Variants in ADD3 observed in about 807,000 individuals in gnomAD.
ADD3 encodes adducin 3, also known as gamma-adducin.
Under a neutral mutation model 80.2 loss-of-function variants are expected in ADD3, and 25 were observed. The ratio of observed to expected loss-of-function variants is 0.31; its 90% CI spans 0.23 to 0.44. ADD3 has a LOEUF of 0.44. Ranked by LOEUF, ADD3 falls within the 20% of genes least tolerant of loss-of-function variation. The pLI is 1.00. For missense variants in ADD3, 829 were observed against 847.5 expected (o/e 0.98, Z 0.27); for synonymous variants, 284 against 289.6 (o/e 0.98, Z 0.20).
chr10:110,034,248 T>C (rs912717330), intron 1 of ADD3, among the ~76,000 whole-genome samples: 40 of 152,164 alleles, frequency 2.6e-4, no homozygotes, highest in Non-Finnish European at 5.7e-4. Flanking sequence ...TATAATGCTT[T>C]TGTTTTAAAA....
At chr10:110,004,951 G>A (rs538169623), upstream of ADD3, among the ~76,000 whole-genome samples, 1 of 152,210 alleles carries the variant, frequency 6.6e-6, no homozygotes, top group South Asian at 2.1e-4. Context: ...ATCCACTTGT[G>A]TTTCTTAATT....
chr10:110,094,706 T>G (rs1028121006), intron 1 of ADD3, among the ~76,000 whole-genome samples: 1 of 152,200 alleles, frequency 6.6e-6, no homozygotes, highest in African/African-American at 2.4e-5. Flanking sequence ...TGAAGAAAAT[T>G]TCACTAGTGA....
At position 110,116,360 on chromosome 10, in the gene ADD3, A is replaced by C; in HGVS notation, c.436A>C (p.Arg146=). The change falls in exon 4 of 15, where the codon AGA becomes CGA. Residue 146 remains arginine (R), a synonymous_variant. Transcript: ENST00000356080. ...TCGCTGTAAACTTGCCAGCCTGTAC[A>C]GACTTGTAGACTTGTTTGGATGGGC... is the stretch of plus-strand genomic sequence containing the variant. ...LTRCKLASLY[R]LVDLFGWAHL... The C allele has an allele frequency of 1.2e-6, 2 of 1,614,180 alleles. No homozygotes were observed. Among genetic ancestry groups the C allele is most frequent in the Non-Finnish European group, 1.7e-6 (2 of 1,180,002 alleles).
chr10:110,026,853 A>G (rs1034389321), intron 1 of ADD3, among the ~76,000 whole-genome samples: 9 of 151,860 alleles, frequency 5.9e-5, no homozygotes, highest in African/African-American at 2.2e-4. Context: ...TTAAGCAGAA[A>G]TTTCAGTGAC....
chr10:110,035,320 A>G (rs1855513148), intron 1 of ADD3, among the ~76,000 whole-genome samples: 1 of 152,096 alleles, frequency 6.6e-6, no homozygotes, highest in African/African-American at 2.4e-5. Flanking sequence ...CCTCTGCTCT[A>G]TCACCAACCC....
chr10:110,078,907 T>A (rs1845690153), intron 1 of ADD3, among the ~76,000 whole-genome samples: 1 of 152,240 alleles, frequency 6.6e-6, no homozygotes, highest in Non-Finnish European at 1.5e-5. Context: ...AGAAGATTTT[T>A]AAATAGATTT....
intron 1 of ADD3, among the ~76,000 whole-genome samples, chr10:110,080,879 G>A (rs952231536): frequency 6.6e-6 from 1 of 152,216 alleles, no homozygotes; most frequent in African/African-American, 2.4e-5. Flanking sequence ...TGCCAGCAAA[G>A]TTACAAAGTT....
At chr10:110,076,538 T>C (rs1845395605) in intron 1 of ADD3, among the ~76,000 whole-genome samples, 1 of 152,214 alleles carries the variant, frequency 6.6e-6, no homozygotes, top group African/African-American at 2.4e-5. Context: ...TTATTGTTTG[T>C]GTATTGCTAG....
At chr10:110,053,870 T>G (rs940185074) in intron 1 of ADD3, among the ~76,000 whole-genome samples, 4 of 152,246 alleles carry the variant, frequency 2.6e-5, no homozygotes, top group Admixed American at 6.5e-5. Flanking sequence ...GTTACATTTC[T>G]AGAAATTTAC....
chr10:110,000,609 T>C (rs1295576828), intron 1 of ADD3, among the ~76,000 whole-genome samples: 1 of 152,250 alleles, frequency 6.6e-6, no homozygotes, highest in Non-Finnish European at 1.5e-5. Flanking sequence ...TGCAGTTCCA[T>C]ACTCTTCCCA....
At chr10:110,036,111 A>G (rs1433381181) in intron 1 of ADD3, among the ~76,000 whole-genome samples, 1 of 152,088 alleles carries the variant, frequency 6.6e-6, no homozygotes, top group East Asian at 1.9e-4. Context: ...AGGTCATGCC[A>G]CTGCACTCCA....
intron 12 of ADD3, among the ~76,000 whole-genome samples, chr10:110,128,741 T>C (rs189265579): frequency 3.9e-5 from 6 of 152,304 alleles, no homozygotes; most frequent in Non-Finnish European, 8.8e-5. Flanking sequence ...TAATAAGAGT[T>C]CTTATTCCCT....
intron 2 of ADD3, among the ~76,000 whole-genome samples, chr10:110,107,739 CAATT>C (rs898013721): frequency 1.3e-5 from 2 of 152,046 alleles, no homozygotes; most frequent in Middle Eastern, 3.2e-3. Flanking sequence ...ACGGTTGTGA[CAATT>C]AAATAAAATA....
rs201745299 is a variant in ADD3, at chr10:110,074,593, TAAAC to T, written c.-29-26028_-29-26025del. On this transcript the variant is annotated intron_variant, in intron 1 of 14. Transcript: ENST00000356080. ...TCATTTCCTTTTTTTTTTTTTATCT[TAAAC>T]AAAGCTAAAATATGTTTTCAATTAC... is the stretch of plus-strand genomic sequence containing the variant. Among the ~76,000 whole-genome samples, 1,493 of 152,246 alleles carry T rather than the reference TAAAC, an allele frequency of 9.8e-3. 24 individuals carry two copies. The highest frequency in any genetic ancestry group is 0.029 in the African/African-American group (1,225 of 41,546).
intron 1 of ADD3, among the ~76,000 whole-genome samples, chr10:110,017,136 A>T (rs1447214702): frequency 6.6e-6 from 1 of 152,226 alleles, no homozygotes; most frequent in Non-Finnish European, 1.5e-5. Flanking sequence ...GGGCAGAGCC[A>T]AGATTTGAGG....
intron 1 of ADD3, among the ~76,000 whole-genome samples, chr10:110,083,138 A>G (rs1343163555): frequency 1.3e-5 from 2 of 152,368 alleles, no homozygotes; most frequent in African/African-American, 4.8e-5. Flanking sequence ...AAAAGGCAAT[A>G]CAGACTATGA....
intron 1 of ADD3, among the ~76,000 whole-genome samples, chr10:110,090,469 C>A (rs1254861745): frequency 6.6e-6 from 1 of 152,170 alleles, no homozygotes; most frequent in Non-Finnish European, 1.5e-5. Flanking sequence ...AGTCCGCCTA[C>A]CTTGGCCTTC....
At chr10:110,007,862 C>G (rs1441581039), upstream of ADD3, 1 of 101,216 alleles carries the variant, frequency 9.9e-6, no homozygotes, top group Non-Finnish European at 2.0e-5. Flanking sequence ...GGGCCAGAGG[C>G]GTAGGGGGCT....
intron 5 of ADD3, among the ~76,000 whole-genome samples, chr10:110,118,101 T>G (rs890722243): frequency 6.0e-4 from 90 of 149,152 alleles, no homozygotes; most frequent in Non-Finnish European, 2.1e-4. Flanking sequence ...TTAAACAAAG[T>G]TCAGCTGGTA....
Sources: gnomAD v4.1 joint callset for allele counts (sites outside exome capture counted in the v4.1 genomes callset) on GRCh38, gnomAD v4.1.1 for gene constraint, MANE v1.5 for transcripts, NCBI Gene and HGNC (gene_info 2026-07-23, HGNC 2026-07-21) for gene names.